The following RGS17 variants were observed in gnomAD, a reference collection of about 807,000 sequenced individuals.
RGS17 encodes the protein regulator of G-protein signaling 17.
Under a neutral mutation model 25.5 loss-of-function variants are expected in RGS17, and 12 were observed. The observed-to-expected ratio is 0.47, with a 90% CI of 0.30 to 0.76. The LOEUF (loss-of-function observed/expected upper bound fraction) is 0.76. Among genes scored for constraint, RGS17 ranks in the 30% least tolerant of loss-of-function variants. The pLI is 0.07. For synonymous variants in RGS17, 71 were observed against 76.9 expected (o/e 0.92, Z 0.40); for missense variants, 196 against 242.2 (o/e 0.81, Z 1.27).
At chr6:153,019,256 C>CA (rs1779214943) in intron 4 of RGS17, among the ~76,000 whole-genome samples, 1 of 152,196 alleles carries the variant, frequency 6.6e-6, no homozygotes, top group Admixed American at 6.5e-5. Flanking sequence ...ACGACAACGC[C>CA]ATCACTAGGC....
Position 153,116,672 on chromosome 6 carries a change from C to T in RGS17, c.-26+14452G>A, listed in dbSNP as rs1212897908. On this transcript the variant is annotated intron_variant, in intron 1 of 4. Transcript: ENST00000206262. ...CACAATAGCAAAGACTTGGAACCAA[C>T]CCAAAGGCCCATGAATGACAGACTG... Among the ~76,000 whole-genome samples the T allele has an allele frequency of 2.0e-5, 3 of 152,178 alleles. No individual in the cohort carries two copies. In the East Asian group the frequency reaches 5.8e-4, roughly 29 times the overall value.
chr6:153,094,233 G>A (rs6557261), intron 1 of RGS17, among the ~76,000 whole-genome samples: 68,432 of 151,338 alleles, frequency 0.45, 16,103 homozygotes, highest in East Asian at 0.85. Context: ...ATACCACCAC[G>A]CCCGGCTAAT....
At chr6:153,055,041 A>T (rs1175779654) in intron 1 of RGS17, among the ~76,000 whole-genome samples, 1 of 152,236 alleles carries the variant, frequency 6.6e-6, no homozygotes, top group East Asian at 1.9e-4. Context: ...TTAGACACAC[A>T]GAGCAGGCGG....
chr6:153,054,100 A>ATGTGTG (rs1554238287), intron 1 of RGS17, among the ~76,000 whole-genome samples: 1 of 95,358 alleles, frequency 1.0e-5, no homozygotes, highest in African/African-American at 4.4e-5. Context: ...TTTTATATAT[A>ATGTGTG]TATATATATA....
intron 1 of RGS17, among the ~76,000 whole-genome samples, chr6:153,118,289 C>A (rs1006531726): frequency 5.3e-5 from 8 of 152,218 alleles, no homozygotes; most frequent in Non-Finnish European, 1.0e-4. Context: ...CCAACCTCAT[C>A]TTAATATTGC....
intron 2 of RGS17, among the ~76,000 whole-genome samples, chr6:153,037,252 A>G (rs1776260496): frequency 1.3e-5 from 2 of 151,962 alleles, no homozygotes; most frequent in Non-Finnish European, 2.9e-5. Context: ...TGCATAAAAA[A>G]AAATCTGGTG....
At chr6:153,061,046 T>C (rs544012656) in intron 1 of RGS17, among the ~76,000 whole-genome samples, 1 of 152,284 alleles carries the variant, frequency 6.6e-6, no homozygotes, top group African/African-American at 2.4e-5. Flanking sequence ...AGGCCAGATA[T>C]GTACAGTTAA....
chr6:153,087,575 G>C (rs947452160), intron 1 of RGS17, among the ~76,000 whole-genome samples: 5 of 152,168 alleles, frequency 3.3e-5, no homozygotes, highest in Non-Finnish European at 7.3e-5. Flanking sequence ...TTCAACATTT[G>C]CCCAGTTGGA....
chr6:153,093,875 A>G (rs564737465), intron 1 of RGS17, among the ~76,000 whole-genome samples: 1 of 152,266 alleles, frequency 6.6e-6, no homozygotes, highest in East Asian at 1.9e-4. Context: ...TTGACAAGTC[A>G]CTTAAATTTA....
At chr6:153,103,876 C>T (rs1777342289) in intron 1 of RGS17, among the ~76,000 whole-genome samples, 2 of 152,100 alleles carry the variant, frequency 1.3e-5, no homozygotes, top group Admixed American at 1.3e-4. Flanking sequence ...GTCAGAGTGA[C>T]CTGGAAGATT....
intron 1 of RGS17, among the ~76,000 whole-genome samples, chr6:153,048,418 A>G (rs946048535): frequency 6.6e-6 from 1 of 152,138 alleles, no homozygotes; most frequent in African/African-American, 2.4e-5. Context: ...ATTTTATTCT[A>G]TTCTCAAGAC....
chr6:153,037,366 TC>T (rs1173302653), intron 2 of RGS17, among the ~76,000 whole-genome samples: 1 of 152,102 alleles, frequency 6.6e-6, no homozygotes, highest in African/African-American at 2.4e-5. Context: ...CATCACCCAT[TC>T]AACAAATGTT....
intron 1 of RGS17, among the ~76,000 whole-genome samples, chr6:153,081,763 A>G (rs994660285): frequency 6.6e-6 from 1 of 152,146 alleles, no homozygotes; most frequent in Non-Finnish European, 1.5e-5. Flanking sequence ...GTTTTAACCA[A>G]TCAAGAAATA....
At chr6:153,043,872 G>T in intron 2 of RGS17, 28 bp downstream of exon 2, 1 of 1,422,240 alleles carries the variant, frequency 7.0e-7, no homozygotes, top group Non-Finnish European at 9.8e-7. Flanking sequence ...AAGCCTGGGT[G>T]TGGCATCCTA....
At chr6:153,027,347 C>T (rs1466193484) in intron 2 of RGS17, among the ~76,000 whole-genome samples, 3 of 151,892 alleles carry the variant, frequency 2.0e-5, no homozygotes, top group Admixed American at 6.6e-5. Flanking sequence ...GGCAAAACAC[C>T]GAAAACTCTC....
intron 2 of RGS17, among the ~76,000 whole-genome samples, chr6:153,041,565 C>T (rs1776321123): frequency 6.6e-6 from 1 of 151,872 alleles, no homozygotes; most frequent in Admixed American, 6.5e-5. Context: ...GCAGCTAATA[C>T]ATATAGCACA....
At position 153,009,425 on chromosome 6, in the gene RGS17, T is replaced by G. The variant is rs138932226; in HGVS notation, c.*2149A>C. ...ACTCAATTCTAAGCAAGAAAAAAATTAAATAATTTAGGAACAATAGAACTT... is the reference window on the plus strand; with the variant it reads ...ACTCAATTCTAAGCAAGAAAAAAATGAAATAATTTAGGAACAATAGAACTT... On this transcript the variant is annotated 3_prime_UTR_variant, in exon 5 of 5. Transcript: ENST00000206262. The G allele has an allele frequency of 8.7e-4, 132 of 152,010 alleles. No homozygotes were observed. Among genetic ancestry groups the G allele is most frequent in the African/African-American group, 3.2e-3 (131 of 41,492 alleles). 9.4% of individuals were successfully genotyped at this position (152,010 alleles called of 1,614,324 possible).
At chr6:153,125,565 A>G (rs1236324494) in intron 1 of RGS17, among the ~76,000 whole-genome samples, 1 of 152,170 alleles carries the variant, frequency 6.6e-6, no homozygotes, top group Non-Finnish European at 1.5e-5. Context: ...ACCACTGATG[A>G]TTATAAAATT....
intron 1 of RGS17, among the ~76,000 whole-genome samples, chr6:153,108,100 A>G (rs1323032452): frequency 6.6e-6 from 1 of 152,154 alleles, no homozygotes; most frequent in Non-Finnish European, 1.5e-5. Flanking sequence ...CCGTCCCCCA[A>G]AAAGTGCCAC....
Sources: gnomAD v4.1 joint callset for allele counts (sites outside exome capture counted in the v4.1 genomes callset) on GRCh38, gnomAD v4.1.1 for gene constraint, MANE v1.5 for transcripts, NCBI Gene and HGNC (gene_info 2026-07-23, HGNC 2026-07-21) for gene names.